Variants in LAMC2 observed in about 807,000 individuals in gnomAD.
LAMC2 encodes laminin subunit gamma 2, also known as laminin subunit gamma-2.
A neutral mutation model predicts 140.2 loss-of-function variants in LAMC2; 97 were observed. The observed-to-expected ratio is 0.69, with a 90% CI of 0.59 to 0.82. The LOEUF is 0.82. LAMC2 is among the 40% of genes least tolerant of loss of function. The pLI, the probability that LAMC2 is intolerant of heterozygous loss-of-function variation, is 0.00. For synonymous variants in LAMC2, 513 were observed against 540.2 expected (o/e 0.95, Z 0.70); for missense variants, 1,402 against 1,476.1 (o/e 0.95, Z 0.82).
At chr1:183,220,765 A>AT (rs1426839453) in intron 4 of LAMC2, 60 bp from the exon 5 acceptor site, 12 of 1,532,442 alleles carry the variant, frequency 7.8e-6, no homozygotes, top group Admixed American at 3.4e-5. Context: ...CATTCATCAT[A>AT]TTTTTTCTAT....
At position 183,227,687 on chromosome 1, in the gene LAMC2, C is replaced by T. The variant is rs772131351; in HGVS notation, c.1458C>T (p.Pro486=). The change falls in exon 10 of 23, where the codon CCC becomes CCT. Residue 486 remains proline (P), a synonymous_variant. Coordinates refer to ENST00000264144, the MANE Select transcript of LAMC2 (RefSeq NM_005562.3). ...AGGTGGTGTGCAATAACTGCCCTCC[C>T]GGGGTCACCGGTAAGGCCATGGGTC... ...TEEVVCNNCP[P]GVTGARCELC... is the part of the protein sequence containing the mutation. 6.2e-6 allele frequency: 10 copies of T among 1,613,980 alleles called. No individual in the cohort carries two copies. The highest frequency in any genetic ancestry group is 4.0e-5 in the African/African-American group (3 of 74,904).
Position 183,234,234 on chromosome 1 carries a change from T to C in LAMC2, c.2221-133T>C, listed in dbSNP as rs149586010. Reference sequence around the variant, plus strand: ...AATAATGGTGAATAGAGGCATGGTGTAAGTGTCAGGGTGTGGAACCCTGTG... The same window carrying C: ...AATAATGGTGAATAGAGGCATGGTGCAAGTGTCAGGGTGTGGAACCCTGTG... On this transcript the variant is annotated intron_variant, in intron 14 of 22. Coordinates refer to ENST00000264144, the MANE Select transcript of LAMC2 (RefSeq NM_005562.3). 1.2e-5 allele frequency: 9 copies of C among 725,640 alleles called. 1 individual carries two copies. In the East Asian group the frequency reaches 2.4e-4, roughly 19 times the overall value. The allele number at this position is 725,640 out of a possible 1,614,324, so 45.0% of individuals were successfully genotyped here. A position where few individuals can be genotyped will look rare whatever the true frequency, so the allele number is the denominator to read the frequency against.
chr1:183,243,762 T>G lies in LAMC2; in HGVS notation c.*362T>G. Reference sequence around the variant, plus strand: ...GTGCTGTTGGGATATAGTCAACTTATTCTTTGAGTAATGTGACTAAAGGAA... The same window carrying G: ...GTGCTGTTGGGATATAGTCAACTTAGTCTTTGAGTAATGTGACTAAAGGAA... On this transcript the variant is annotated 3_prime_UTR_variant, in exon 23 of 23. Transcript: ENST00000264144. The G allele has an allele frequency of 3.1e-6, 1 of 322,466 alleles. No homozygotes were observed. Among genetic ancestry groups the G allele is most frequent in the Non-Finnish European group, 5.9e-6 (1 of 169,000 alleles). The allele number at this position is 322,466 out of a possible 1,614,324, so 20.0% of individuals were successfully genotyped here.
intron 3 of LAMC2, among the ~76,000 whole-genome samples, chr1:183,216,997 A>T (rs146506400): frequency 7.9e-4 from 121 of 152,324 alleles, no homozygotes; most frequent in Middle Eastern, 3.4e-3. Context: ...GATGGTCCAG[A>T]TAAGCAGTAG....
chr1:183,238,342 T>A lies in LAMC2; in HGVS notation c.2790T>A (p.Ala930=). ...AGCTGCTTTCCCGTGCCAATCTTGC[T>A]AAAAGCAGAGCACAAGAAGCACTGA... ...SDQLLSRANL[A]KSRAQEALSM... Residue 930 remains alanine, a synonymous_variant, in exon 19 of 23, where the codon GCT becomes GCA. Coordinates refer to ENST00000264144, the MANE Select transcript of LAMC2 (RefSeq NM_005562.3). 1.9e-6 allele frequency: 3 copies of A among 1,614,096 alleles called. No homozygotes were observed. Among genetic ancestry groups the A allele is most frequent in the Non-Finnish European group, 2.5e-6 (3 of 1,179,948 alleles).
At chr1:183,257,259 A>G in the LAMC2 span, among the ~76,000 whole-genome samples, 1 of 151,858 alleles carries the variant, frequency 6.6e-6, no homozygotes, top group Admixed American at 6.6e-5. Flanking sequence ...TGGCCAACAT[A>G]GTAAAACCCT....
downstream of LAMC2, chr1:183,249,949 G>A (rs201458570): frequency 1.3e-5 from 2 of 151,900 alleles, no homozygotes; most frequent in Non-Finnish European, 2.9e-5. Context: ...CATGCTTTCG[G>A]ACTGCATGCT....
chr1:183,221,272 G>T lies in LAMC2; in HGVS notation c.640+311G>T, dbSNP rs77806731. 1.9e-4 allele frequency among the ~76,000 whole-genome samples: 29 copies of T among 152,278 alleles called. No homozygotes were observed. In the East Asian group the frequency reaches 5.6e-3, roughly 29 times the overall value. Reference sequence around the variant, plus strand: ...ACGAAGGAATCATTCATTTGGTTTGGAGAGTGTATGAGTCTTCCTGGAATT... The same window carrying T: ...ACGAAGGAATCATTCATTTGGTTTGTAGAGTGTATGAGTCTTCCTGGAATT... On this transcript the variant is annotated intron_variant, in intron 5 of 22. Coordinates refer to ENST00000264144, the MANE Select transcript of LAMC2 (RefSeq NM_005562.3).
At chr1:183,217,428 A>G (rs1222446890) in intron 3 of LAMC2, among the ~76,000 whole-genome samples, 4 of 152,224 alleles carry the variant, frequency 2.6e-5, no homozygotes, top group African/African-American at 9.6e-5. Flanking sequence ...ACTCCTAGGT[A>G]TACACCCAAG....
chr1:183,203,086 G>C (rs960434426), intron 1 of LAMC2, among the ~76,000 whole-genome samples: 1 of 152,228 alleles, frequency 6.6e-6, no homozygotes, highest in Non-Finnish European at 1.5e-5. Flanking sequence ...AGATTTGCCT[G>C]TGGACACAGC....
At chr1:183,251,539 A>T in the LAMC2 span, 1 of 152,530 alleles carries the variant, frequency 6.6e-6, no homozygotes, top group African/African-American at 2.4e-5. Context: ...CGACTGCACG[A>T]TGTGGATCTG....
At chr1:183,190,190 T>A (rs1179320194) in intron 1 of LAMC2, among the ~76,000 whole-genome samples, 2 of 152,228 alleles carry the variant, frequency 1.3e-5, no homozygotes, top group African/African-American at 4.8e-5. Context: ...TAAATCGATA[T>A]GACCATTACA....
intron 1 of LAMC2, among the ~76,000 whole-genome samples, chr1:183,194,982 G>A (rs1405117802): frequency 1.3e-5 from 2 of 152,188 alleles, no homozygotes; most frequent in African/African-American, 4.8e-5. Flanking sequence ...GCTGACAGCA[G>A]CTGTCTTGCG....
At position 183,192,232 on chromosome 1, in the gene LAMC2, A is replaced by T. The variant is rs1456400327; in HGVS notation, c.79+5801A>T. Among the ~76,000 whole-genome samples the T allele has an allele frequency of 3.3e-5, 5 of 152,330 alleles. No individual in the cohort carries two copies. In the South Asian group the frequency reaches 8.3e-4, roughly 25 times the overall value. On this transcript the variant is annotated intron_variant, in intron 1 of 22. Transcript: ENST00000264144. ...CCAAACGTATAGGGATCCTGCACTTATTCAGGGCTTATATTTACAGAATTC... is the reference window on the plus strand; with the variant it reads ...CCAAACGTATAGGGATCCTGCACTTTTTCAGGGCTTATATTTACAGAATTC...
At chr1:183,252,196 G>C in the LAMC2 span, 1 of 165,134 alleles carries the variant, frequency 6.1e-6, no homozygotes, top group Admixed American at 6.0e-5. Flanking sequence ...GTAGTAAAGG[G>C]CATGCTGGGA....
intron 2 of LAMC2, among the ~76,000 whole-genome samples, chr1:183,208,284 A>G (rs917973168): frequency 1.3e-5 from 2 of 152,186 alleles, no homozygotes; most frequent in African/African-American, 2.4e-5. Flanking sequence ...CTGAAAGGAA[A>G]CATGTTTCTC....
chr1:183,249,747 G>A (rs201759238), downstream of LAMC2: 2 of 152,922 alleles, frequency 1.3e-5, no homozygotes, highest in Non-Finnish European at 2.9e-5. Flanking sequence ...GGGGTAGGGG[G>A]TGCGGCGATG....
chr1:183,245,748 T>C (rs10429829), downstream of LAMC2, among the ~76,000 whole-genome samples: 15,606 of 152,284 alleles, frequency 0.1, 942 homozygotes, highest in East Asian at 0.2. Context: ...TTGTCGGTGA[T>C]TGGCTGTCTC....
chr1:183,234,323 A>C, intron 14 of LAMC2, 44 bp from the exon 15 acceptor site: 1 of 1,506,880 alleles, frequency 6.6e-7, no homozygotes, highest in South Asian at 1.1e-5. Context: ...GCCAAGTGCA[A>C]AGCCTTAACC....
Sources: gnomAD v4.1 joint callset for allele counts (sites outside exome capture counted in the v4.1 genomes callset) on GRCh38, gnomAD v4.1.1 for gene constraint, MANE v1.5 for transcripts, NCBI Gene and HGNC (gene_info 2026-07-23, HGNC 2026-07-21) for gene names.